The following ATP13A4 variants were observed in gnomAD, a reference collection of about 807,000 sequenced individuals.
ATP13A4 encodes the protein ATPase 13A4.
In ATP13A4, 114 loss-of-function variants were observed where a neutral mutation model predicts 142.5. That is an observed-to-expected ratio of 0.80 (90% confidence interval 0.69 to 0.93). The LOEUF (loss-of-function observed/expected upper bound fraction) is 0.93. ATP13A4 is among the 40% of genes least tolerant of loss of function. ATP13A4 has a pLI of 0.00. For missense variants in ATP13A4, 1,392 were observed against 1,454.0 expected (o/e 0.96, Z 0.69); for synonymous variants, 488 against 514.8 (o/e 0.95, Z 0.70).
At chr3:193,416,313 G>C (rs146218112) in intron 25 of ATP13A4, among the ~76,000 whole-genome samples, 2 of 152,164 alleles carry the variant, frequency 1.3e-5, no homozygotes, top group African/African-American at 2.4e-5. Context: ...ATTCAACAGA[G>C]CAAAATAAAT....
intron 2 of ATP13A4, among the ~76,000 whole-genome samples, chr3:193,509,126 G>T (rs1316038977): frequency 2.0e-5 from 3 of 152,058 alleles, no homozygotes; most frequent in African/African-American, 7.2e-5. Flanking sequence ...TAAGTTCTTT[G>T]CCCCCATATT....
At chr3:193,462,609 T>C (rs1209798031) in intron 13 of ATP13A4, among the ~76,000 whole-genome samples, 153 bp downstream of exon 13, 2 of 152,106 alleles carry the variant, frequency 1.3e-5, no homozygotes, top group South Asian at 4.1e-4. Context: ...CTTTGAAGAA[T>C]TAAAGATGAG....
chr3:193,483,625 C>G (rs548628502), intron 8 of ATP13A4, among the ~76,000 whole-genome samples: 43 of 151,942 alleles, frequency 2.8e-4, no homozygotes, highest in African/African-American at 9.7e-4. Context: ...CCACCACGCC[C>G]GGCTAATTTT....
chr3:193,453,179 A>G (rs1044012662), intron 17 of ATP13A4, among the ~76,000 whole-genome samples: 1 of 152,134 alleles, frequency 6.6e-6, no homozygotes, highest in African/African-American at 2.4e-5. Context: ...GTGAAACATT[A>G]TATGTTTTGC....
intron 24 of ATP13A4, among the ~76,000 whole-genome samples, chr3:193,435,428 A>G (rs1290748430): frequency 6.6e-6 from 1 of 152,212 alleles, no homozygotes; most frequent in Non-Finnish European, 1.5e-5. Context: ...CTATTACTAG[A>G]TAAAAGGTTT....
At chr3:193,492,658 C>T (rs759916187) in intron 5 of ATP13A4, among the ~76,000 whole-genome samples, 10 of 152,116 alleles carry the variant, frequency 6.6e-5, no homozygotes, top group Middle Eastern at 3.4e-3. Flanking sequence ...GACCTCGTTC[C>T]GGCCATGAAA....
intron 2 of ATP13A4, among the ~76,000 whole-genome samples, chr3:193,569,785 G>A (rs961198041): frequency 1.6e-4 from 24 of 152,034 alleles, no homozygotes; most frequent in Admixed American, 4.6e-4. Context: ...TCCTCCCACC[G>A]CAGGCTCCCA....
chr3:193,480,529 G>A (rs1179476456), intron 8 of ATP13A4, among the ~76,000 whole-genome samples: 1 of 152,088 alleles, frequency 6.6e-6, no homozygotes, highest in Admixed American at 6.6e-5. Flanking sequence ...ATGAAAAAGT[G>A]CTCAGCATCA....
intron 25 of ATP13A4, among the ~76,000 whole-genome samples, chr3:193,426,036 A>G (rs1314227294): frequency 1.3e-5 from 2 of 151,828 alleles, no homozygotes; most frequent in Non-Finnish European, 3.0e-5. Context: ...TTTGAAAAGA[A>G]AAAGGAAATA....
chr3:193,491,276 C>A (rs373725617), intron 6 of ATP13A4, 53 bp downstream of exon 6: 2 of 1,374,140 alleles, frequency 1.5e-6, no homozygotes, highest in Non-Finnish European at 2.1e-6. Context: ...TTCACTAGAG[C>A]CAAACTTCCT....
rs111282031 is a variant in ATP13A4 at position 193,516,321 on chromosome 3, G to C, written c.61-1450C>G. On this transcript the variant is annotated intron_variant, in intron 1 of 29. Coordinates refer to ENST00000342695, the MANE Select transcript of ATP13A4 (RefSeq NM_032279.4). Reference sequence around the variant, plus strand: ...ACTATTAGCAACACATACAGGTGCCGAATGGCTTTCTTAGGCATTGTCCAA... The same window carrying C: ...ACTATTAGCAACACATACAGGTGCCCAATGGCTTTCTTAGGCATTGTCCAA... Among the ~76,000 whole-genome samples, 10 of 152,280 alleles carry C rather than the reference G, an allele frequency of 6.6e-5. 1 individual carries two copies. The highest frequency in any genetic ancestry group is 2.4e-4 in the African/African-American group (10 of 41,560).
In ATP13A4 at chr3:193,554,540, A is replaced by ATT. The variant is rs1374942838; in HGVS notation, c.60+198_60+199dup. The ATT allele has an allele frequency of 2.0e-5, 13 of 653,992 alleles. No individual in the cohort carries two copies. The African/African-American group carries it at 2.4e-4, about 12-fold the overall frequency. 40.5% of individuals were successfully genotyped at this position (653,992 alleles called of 1,614,324 possible). On this transcript the variant is annotated intron_variant, in intron 1 of 29. Transcript: ENST00000342695. The stretch of plus-strand genomic sequence containing the variant: ...GAATACAATATTTTCATTCTAGCAA[A>ATT]TTTCTGCTGTCAGAGGTTATATTTA...
chr3:193,472,695 G>C (rs1397376196), intron 8 of ATP13A4, among the ~76,000 whole-genome samples: 1 of 152,170 alleles, frequency 6.6e-6, no homozygotes, highest in Non-Finnish European at 1.5e-5. Flanking sequence ...TGTGTGGGTG[G>C]AAGACAGGAA....
intron 11 of ATP13A4, 38 bp from the exon 12 acceptor site, chr3:193,465,166 C>G (rs772272325): frequency 1.9e-6 from 3 of 1,600,258 alleles, no homozygotes; most frequent in Non-Finnish European, 2.6e-6. Context: ...ACAGACAAAT[C>G]TCTGATGAAC....
rs1381897420 is a variant in ATP13A4 at position 193,441,545 on chromosome 3, C to T, written c.2360G>A (p.Arg787Lys). The T allele has an allele frequency of 6.2e-7, 1 of 1,613,434 alleles. No homozygotes were observed. Among genetic ancestry groups the T allele is most frequent in the Non-Finnish European group, 8.5e-7 (1 of 1,179,466 alleles). ...TAGGGCAAAATGGTAACTTCCTTCTCTGCCTTTATCAGAGACTTCATCCCT... is the reference window on the plus strand; with the variant it reads ...TAGGGCAAAATGGTAACTTCCTTCTTTGCCTTTATCAGAGACTTCATCCCT... ...NIRDEVSDKG[R>K]EGSYHFALTG... The change falls in exon 20 of 30, where the codon AGA becomes AAA. Residue 787 changes from arginine to lysine, a missense_variant. Physicochemically the swap from Arg to Lys is conservative, Grantham distance 26. Transcript: ENST00000342695.
chr3:193,492,851 A>G lies in ATP13A4; in HGVS notation c.533+66T>C, dbSNP rs1031144372. 11 of 1,141,480 alleles carry G rather than the reference A, an allele frequency of 9.6e-6. No individual in the cohort carries two copies. In the South Asian group the frequency reaches 1.4e-4, roughly 14 times the overall value. The allele number at this position is 1,141,480 out of a possible 1,614,324, so 70.7% of individuals were successfully genotyped here. On this transcript the variant is annotated intron_variant, in intron 5 of 29. Coordinates refer to ENST00000342695, the MANE Select transcript of ATP13A4 (RefSeq NM_032279.4). Reference sequence around the variant, plus strand: ...TAATCCATTAAGATAACTATTTACTAGCTGTCTATTTGGCTAACTGATAAT... The same window carrying G: ...TAATCCATTAAGATAACTATTTACTGGCTGTCTATTTGGCTAACTGATAAT...
At chr3:193,528,804 T>C (rs1231834350) in intron 1 of ATP13A4, among the ~76,000 whole-genome samples, 1 of 152,202 alleles carries the variant, frequency 6.6e-6, no homozygotes, top group East Asian at 1.9e-4. Context: ...TCATTGCATA[T>C]ACTTTTTCTT....
At chr3:193,422,954 A>G in intron 25 of ATP13A4, among the ~76,000 whole-genome samples, 1 of 149,680 alleles carries the variant, frequency 6.7e-6, no homozygotes, top group Admixed American at 6.9e-5. Context: ...GAGGAGATAA[A>G]CAAAATCAAC....
chr3:193,462,939 G>A (rs1345463433), intron 12 of ATP13A4, 116 bp from the exon 13 acceptor site: 2 of 1,001,432 alleles, frequency 2.0e-6, no homozygotes, highest in African/African-American at 3.2e-5. Flanking sequence ...GAACTCAGGA[G>A]TTTAAGACCA....
Sources: allele counts gnomAD v4.1 joint callset (sites outside exome capture counted in the v4.1 genomes callset), GRCh38; gene constraint gnomAD v4.1.1; transcripts MANE v1.5; gene names NCBI Gene and HGNC (gene_info 2026-07-23, HGNC 2026-07-21).